Variants in DCDC1 observed in about 807,000 individuals in gnomAD.
DCDC1 encodes doublecortin domain-containing protein 1.
A neutral mutation model predicts 178.3 loss-of-function variants in DCDC1; 200 were observed. The observed-to-expected ratio is 1.12, with a 90% confidence interval of 1.00 to 1.26. The LOEUF is 1.26. Ranked by LOEUF, DCDC1 falls within the 50% of genes most tolerant of loss-of-function variation. DCDC1 has a pLI of 0.00. For synonymous variants in DCDC1, 690 were observed against 604.8 expected (o/e 1.14, Z -2.07); for missense variants, 1,983 against 1,749.2 (o/e 1.13, Z -2.38).
intron 6 of DCDC1, among the ~76,000 whole-genome samples, chr11:31,292,455 T>C (rs887346216): frequency 1.3e-5 from 2 of 152,252 alleles, no homozygotes; most frequent in South Asian, 4.1e-4. Flanking sequence ...GAAGTACTGA[T>C]ACTTGCTAAA....
intron 38 of DCDC1, among the ~76,000 whole-genome samples, chr11:30,875,874 A>G (rs933768453): frequency 6.6e-6 from 1 of 152,208 alleles, no homozygotes; most frequent in East Asian, 1.9e-4. Context: ...AGCTGACATA[A>G]GCATCCAGAT....
chr11:31,297,259 G>A (rs1436459687), intron 6 of DCDC1, among the ~76,000 whole-genome samples: 3 of 152,070 alleles, frequency 2.0e-5, no homozygotes, highest in Non-Finnish European at 4.4e-5. Context: ...AAATAGTGAG[G>A]GGACTGTAGG....
At chr11:30,911,007 C>T (rs1460022521) in intron 28 of DCDC1, among the ~76,000 whole-genome samples, 1 of 152,120 alleles carries the variant, frequency 6.6e-6, no homozygotes, top group Non-Finnish European at 1.5e-5. Flanking sequence ...ATCCACCTGC[C>T]TGCAGCCACC....
At chr11:31,068,955 C>T (rs1335455559) in intron 18 of DCDC1, among the ~76,000 whole-genome samples, 3 of 151,816 alleles carry the variant, frequency 2.0e-5, no homozygotes, top group Admixed American at 2.0e-4. Context: ...GGGTTCATGC[C>T]ATTCTCCTGC....
chr11:30,869,963 G>A (rs925620848), intron 38 of DCDC1, among the ~76,000 whole-genome samples: 2 of 152,146 alleles, frequency 1.3e-5, no homozygotes, highest in African/African-American at 4.8e-5. Context: ...TTCGATAGAA[G>A]CAAGGCTCTG....
chr11:31,110,720 A>C (rs984303158), intron 11 of DCDC1, among the ~76,000 whole-genome samples: 4 of 152,194 alleles, frequency 2.6e-5, no homozygotes, highest in Non-Finnish European at 5.9e-5. Flanking sequence ...CAAAAAAAAA[A>C]AAAAGTCAAT....
At chr11:31,168,570 A>T (rs1966864037) in intron 9 of DCDC1, among the ~76,000 whole-genome samples, 2 of 152,218 alleles carry the variant, frequency 1.3e-5, no homozygotes, top group Admixed American at 6.5e-5. Flanking sequence ...AAATGGGGAC[A>T]AGTCGGAGAA....
chr11:30,970,719 C>A (rs554496973), intron 20 of DCDC1, among the ~76,000 whole-genome samples: 1 of 152,212 alleles, frequency 6.6e-6, no homozygotes, highest in African/African-American at 2.4e-5. Flanking sequence ...TGACAGCAAT[C>A]CTGCCCTCCC....
chr11:31,068,435 T>C (rs555859768), intron 18 of DCDC1, among the ~76,000 whole-genome samples: 2 of 152,338 alleles, frequency 1.3e-5, no homozygotes, highest in African/African-American at 4.8e-5. Context: ...TGCTCATATT[T>C]GCCTAAATGT....
intron 20 of DCDC1, among the ~76,000 whole-genome samples, chr11:30,986,736 G>T (rs565976355): frequency 6.6e-6 from 1 of 152,244 alleles, no homozygotes; most frequent in South Asian, 2.1e-4. Context: ...TAAAAAGAAA[G>T]AAAGAATGAA....
At chr11:30,933,529 CTT>C (rs1468042793) in intron 21 of DCDC1, among the ~76,000 whole-genome samples, 1 of 152,058 alleles carries the variant, frequency 6.6e-6, no homozygotes, top group Non-Finnish European at 1.5e-5. Context: ...ATGTATGACA[CTT>C]GTTATAAATT....
At chr11:30,875,339 T>C (rs1269875580) in intron 38 of DCDC1, among the ~76,000 whole-genome samples, 2 of 151,954 alleles carry the variant, frequency 1.3e-5, no homozygotes, top group African/African-American at 4.8e-5. Flanking sequence ...GGACACGGGG[T>C]TGAGATATTT....
At chr11:31,091,846 C>T (rs1003644315) in intron 16 of DCDC1, among the ~76,000 whole-genome samples, 3 of 151,838 alleles carry the variant, frequency 2.0e-5, no homozygotes, top group South Asian at 2.1e-4. Context: ...CAGAGCTTAC[C>T]GGAAATATGT....
chr11:30,911,235 GT>G lies in DCDC1; in HGVS notation c.3747+91del, dbSNP rs397848645. ...AACATTCAAATAGGATTCTATGACA[GT>G]TTTTTTTTTTCCTCCACTACAAGGA... On this transcript the variant is annotated intron_variant, in intron 28 of 38. Transcript: ENST00000684477. 7,112 of 783,526 alleles carry G rather than the reference GT, an allele frequency of 9.1e-3. 6 individuals are homozygous for G. The highest frequency in any genetic ancestry group is 0.013 in the South Asian group (666 of 51,730). 48.5% of individuals were successfully genotyped at this position (783,526 alleles called of 1,614,324 possible).
chr11:31,265,704 A>G, intron 7 of DCDC1, 104 bp from the exon 8 acceptor site: 1 of 432,016 alleles, frequency 2.3e-6, no homozygotes, highest in South Asian at 1.2e-4. Context: ...TTATATTGTA[A>G]AATAAAATTT....
chr11:31,348,644 A>G (rs1248472156), intron 1 of DCDC1, among the ~76,000 whole-genome samples: 1 of 152,144 alleles, frequency 6.6e-6, no homozygotes, highest in Non-Finnish European at 1.5e-5. Context: ...TGTGGTAGGA[A>G]CTTCAGGTGT....
At chr11:31,341,389 A>AGATG (rs1950531920) in intron 1 of DCDC1, among the ~76,000 whole-genome samples, 1 of 111,088 alleles carries the variant, frequency 9.0e-6, no homozygotes, top group Non-Finnish European at 1.9e-5. Context: ...TTTTATAGAT[A>AGATG]GATAGATAGA....
intron 20 of DCDC1, among the ~76,000 whole-genome samples, chr11:30,983,808 C>T (rs996791114): frequency 1.3e-5 from 2 of 152,130 alleles, no homozygotes; most frequent in African/African-American, 4.8e-5. Flanking sequence ...GTCTCTCTCC[C>T]TCACTCATGA....
Position 31,306,285 on chromosome 11 carries a change from T to C in DCDC1, c.538A>G (p.Lys180Glu). The change falls in exon 5 of 39, where the codon AAA becomes GAA. Residue 180 changes from lysine to glutamate, a missense_variant. By Grantham distance (56) the Lys-to-Glu change is moderately conservative. Transcript: ENST00000684477. ...QPRVIKVTAYKNGSRTVFARV... is the reference protein window; with the variant it reads ...QPRVIKVTAYENGSRTVFARV... The stretch of plus-strand genomic sequence containing the variant: ...GCAAAGACTGTTCTAGATCCATTTT[T>C]GTAAGCTGTTACTTTAATCACTCTT... The C allele has an allele frequency of 6.2e-7, 1 of 1,610,472 alleles. No individual in the cohort carries two copies. Among genetic ancestry groups the C allele is most frequent in the Admixed American group, 1.7e-5 (1 of 59,706 alleles).
Sources: allele counts gnomAD v4.1 joint callset (sites outside exome capture counted in the v4.1 genomes callset), GRCh38; gene constraint gnomAD v4.1.1; transcripts MANE v1.5; gene names NCBI Gene and HGNC (gene_info 2026-07-23, HGNC 2026-07-21).